SPTA1: variants seen among roughly 807,000 people sequenced by gnomAD.
SPTA1 encodes the protein spectrin alpha chain, erythrocytic 1.
Under a neutral mutation model 324.7 loss-of-function variants are expected in SPTA1, and 177 were observed. The observed-to-expected ratio is 0.55, with a 90% CI of 0.48 to 0.62. The LOEUF (loss-of-function observed/expected upper bound fraction) is 0.62, where lower values mean the gene tolerates loss of function less well. Among genes scored for constraint, SPTA1 ranks in the 20% least tolerant of loss-of-function variants. The probability of loss-of-function intolerance (pLI) is 0.00; values close to 1 mark genes in which losing one functional copy is unlikely to be tolerated. For missense variants in SPTA1, 3,162 were observed against 2,883.6 expected (o/e 1.10, Z -2.21); for synonymous variants, 1,195 against 1,041.3 (o/e 1.15, Z -2.84).
rs757488258 is a variant in SPTA1 at position 158,642,904 on chromosome 1, G to T, written c.4515C>A (p.Phe1505Leu). 1.3e-5 allele frequency: 21 copies of T among 1,613,768 alleles called. No homozygotes were observed. In the Middle Eastern group the frequency reaches 6.6e-4, roughly 51 times the overall value. ...KLGDYANLKQ[F>L]YRDLEELEEW... ...CTTCCAGCTCCTCAAGGTCTCGGTAGAATTGTTTTAGGTTGGCATAGTCTC... is the reference window on the plus strand; with the variant it reads ...CTTCCAGCTCCTCAAGGTCTCGGTATAATTGTTTTAGGTTGGCATAGTCTC... Residue 1505 changes from phenylalanine (F) to leucine (L), a missense_variant, in exon 32 of 52, where the codon TTC becomes TTA. By Grantham distance (22) the Phe-to-Leu change is conservative (BLOSUM62 0). Coordinates refer to ENST00000643759, the MANE Select transcript of SPTA1 (RefSeq NM_003126.4).
chr1:158,645,469 A>G, intron 28 of SPTA1, 26 bp downstream of exon 28: 12 of 1,613,948 alleles, frequency 7.4e-6, no homozygotes, highest in South Asian at 1.1e-5. Context: ...TCAAGTGATC[A>G]GTGGCTGTGA....
rs761419691 is a variant in SPTA1 at position 158,669,448 on chromosome 1, A to G, written c.1793T>C (p.Ile598Thr). The G allele has an allele frequency of 1.4e-5, 22 of 1,614,116 alleles. No homozygotes were observed. The highest frequency in any genetic ancestry group is 1.7e-5 in the Non-Finnish European group (20 of 1,179,988). ...YEDSDDLKNW[I>T]NKKKKLADDE... ...ATCTGCCAACTTTTTCTTCTTGTTG[A>G]TCCAGTTCTTTAGGTCATCTGAGTC... is the stretch of plus-strand genomic sequence containing the variant. Residue 598 changes from isoleucine to threonine, a missense_variant, in exon 14 of 52, where the codon ATC becomes ACC. Physicochemically the swap from Ile to Thr is moderately conservative, Grantham distance 89 (BLOSUM62 -1). Transcript: ENST00000643759.
At chr1:158,671,954 G>T in intron 11 of SPTA1, 105 bp downstream of exon 11, 1 of 1,434,636 alleles carries the variant, frequency 7.0e-7, no homozygotes, top group African/African-American at 1.4e-5. Context: ...CCCAAGACAA[G>T]CTCTGACTCA....
Position 158,620,284 on chromosome 1 carries a change from A to C in SPTA1, c.6303T>G (p.Cys2101Trp). The change falls in exon 44 of 52, where the codon TGT (cysteine) becomes TGG (tryptophan). Residue 2101 changes from cysteine (C) to tryptophan (W), a missense_variant. Physicochemically the swap from Cys to Trp is radical, Grantham distance 215 (BLOSUM62 -2). Transcript: ENST00000643759. ...SLARAQADFK[C>W]LLELDQQIKA... ...TAATCTGCTGGTCTAGCTCCAGCAAACATTTAAAGTCTGCTTGAGCCCTAG... is the reference window on the plus strand; with the variant it reads ...TAATCTGCTGGTCTAGCTCCAGCAACCATTTAAAGTCTGCTTGAGCCCTAG... The C allele has an allele frequency of 6.2e-7, 1 of 1,614,074 alleles. No individual in the cohort carries two copies. The highest frequency in any genetic ancestry group is 1.7e-4 in the Middle Eastern group (1 of 6,022).
rs1438361428 is a variant in SPTA1, at chr1:158,662,818, G to C, written c.2348C>G (p.Ala783Gly). ...GTCTAAGAGCTTCTTCTTTCGGGTG[G>C]CCAGTGGCTCTTTCAGAGCTTCAAA... ...CRFEALKEPLATRKKKLLDLL... is the reference protein window; with the variant it reads ...CRFEALKEPLGTRKKKLLDLL... The change falls in exon 17 of 52, where the codon GCC becomes GGC. Residue 783 changes from alanine to glycine, a missense_variant. Physicochemically the swap from Ala to Gly is moderately conservative, Grantham distance 60 (BLOSUM62 0). Coordinates refer to ENST00000643759, the MANE Select transcript of SPTA1 (RefSeq NM_003126.4). 1 of 1,614,048 alleles carries C rather than the reference G, an allele frequency of 6.2e-7. No homozygotes were observed. The highest frequency in any genetic ancestry group is 1.7e-5 in the Admixed American group (1 of 59,998).
In SPTA1 at chr1:158,647,593, C is replaced by T. The variant is rs374733516; in HGVS notation, c.3842G>A (p.Arg1281His). 99 of 1,613,790 alleles carry T rather than the reference C, an allele frequency of 6.1e-5. No homozygotes were observed. The highest frequency in any genetic ancestry group is 4.0e-5 in the African/African-American group (3 of 74,888). Residue 1281 changes from arginine to histidine, a missense_variant, in exon 27 of 52, where the codon CGT (arginine) becomes CAT (histidine). Transcript: ENST00000643759. Reference sequence around the variant, plus strand: ...CTGGGCCTCATTTAGGCTCTCCTTACGATCCTTTGTACGCCCCTGCAGGTC... The same window carrying T: ...CTGGGCCTCATTTAGGCTCTCCTTATGATCCTTTGTACGCCCCTGCAGGTC... ...WEDLQGRTKDRKESLNEAQKF... is the reference protein window; with the variant it reads ...WEDLQGRTKDHKESLNEAQKF...
chr1:158,611,163 AC>A lies in SPTA1; in HGVS notation c.*100del, dbSNP rs1557915699. 3.8e-5 allele frequency: 53 copies of A among 1,388,304 alleles called. No individual in the cohort carries two copies. In the Admixed American group the frequency reaches 4.0e-4, roughly 10 times the overall value. 86.0% of individuals were successfully genotyped at this position (1,388,304 alleles called of 1,614,324 possible). A position where few individuals can be genotyped will look rare whatever the true frequency, so the allele number is the denominator to read the frequency against. The stretch of plus-strand genomic sequence containing the variant: ...CACACACACACACACACACACACAC[AC>A]ACGAGGCCATCTTTATCTTCCACAT... On this transcript the variant is annotated 3_prime_UTR_variant, in exon 52 of 52. Coordinates refer to ENST00000643759, the MANE Select transcript of SPTA1 (RefSeq NM_003126.4).
intron 14 of SPTA1, 144 bp from the exon 15 acceptor site, chr1:158,668,206 G>T: frequency 1.1e-6 from 1 of 947,690 alleles, no homozygotes; most frequent in Non-Finnish European, 1.6e-6. Flanking sequence ...CTAGTCCAAC[G>T]TTTGAGAAAT....
intron 2 of SPTA1, among the ~76,000 whole-genome samples, chr1:158,683,983 A>C (rs1015549231): frequency 2.6e-5 from 4 of 151,998 alleles, no homozygotes; most frequent in African/African-American, 9.7e-5. Context: ...GATTATGACA[A>C]CACCACATGC....
intron 15 of SPTA1, among the ~76,000 whole-genome samples, chr1:158,667,061 T>C (rs1242765764): frequency 6.6e-6 from 1 of 152,216 alleles, no homozygotes; most frequent in Non-Finnish European, 1.5e-5. Context: ...GCATTATTTC[T>C]GCAAAGGAAT....
chr1:158,626,941 G>C lies in SPTA1; in HGVS notation c.5731C>G (p.Pro1911Ala), dbSNP rs1355504062. ...SKIEALNEKT[P>A]SLAKAIAAWK... ...GCAGCTATTGCCTTAGCCAGAGAAG[G>C]GGTCTTTTCATTCAGAGCCTCTATC... is the stretch of plus-strand genomic sequence containing the variant. The change falls in exon 41 of 52, where the codon CCT becomes GCT. Residue 1911 changes from proline (P) to alanine (A), a missense_variant. Transcript: ENST00000643759. 1.2e-6 allele frequency: 2 copies of C among 1,613,910 alleles called. No individual in the cohort carries two copies. Among genetic ancestry groups the C allele is most frequent in the Non-Finnish European group, 1.7e-6 (2 of 1,179,832 alleles).
chr1:158,666,376 G>T lies in SPTA1; in HGVS notation c.2160C>A (p.Ala720=), dbSNP rs199815523. Residue 720 remains alanine, a synonymous_variant, in exon 16 of 52, where the codon GCC becomes GCA. Transcript: ENST00000643759. ...GTTTCCTGAGTCGATTCTGTACCTC[G>T]GCCAGGCCTTTCCCATAATCCTCAG... ...VTSEDYGKGL[A]EVQNRLRKHG... The T allele has an allele frequency of 1.2e-6, 2 of 1,613,818 alleles. No individual in the cohort carries two copies. The highest frequency in any genetic ancestry group is 1.1e-5 in the South Asian group (1 of 91,068).
chr1:158,684,820 A>G (rs1016574348), intron 2 of SPTA1, among the ~76,000 whole-genome samples: 3 of 152,188 alleles, frequency 2.0e-5, no homozygotes, highest in African/African-American at 7.2e-5. Context: ...TCTGAATGGA[A>G]GTTCATTGTA....
chr1:158,684,381 T>C (rs1557998293), intron 2 of SPTA1, among the ~76,000 whole-genome samples: 1 of 152,098 alleles, frequency 6.6e-6, no homozygotes, highest in Non-Finnish European at 1.5e-5. Flanking sequence ...TTGATGACTC[T>C]TCACCCTATT....
At chr1:158,668,163 G>T (rs989162742) in intron 14 of SPTA1, 101 bp from the exon 15 acceptor site, 1 of 1,282,272 alleles carries the variant, frequency 7.8e-7, no homozygotes, top group Non-Finnish European at 1.1e-6. Flanking sequence ...TCTAACGAAC[G>T]ATGCTAACAA....
chr1:158,648,750 A>G, intron 25 of SPTA1, 97 bp from the exon 26 acceptor site: 1 of 1,321,822 alleles, frequency 7.6e-7, no homozygotes, highest in South Asian at 1.3e-5. Context: ...ACCACTCACC[A>G]TCCTCCCACC....
At chr1:158,650,048 G>A (rs907571297) in intron 24 of SPTA1, 101 bp from the exon 25 acceptor site, 105 of 847,078 alleles carry the variant, frequency 1.2e-4, no homozygotes, top group Middle Eastern at 2.2e-4. Flanking sequence ...TTGTTTTTAC[G>A]TTATTTTCTT....
intron 39 of SPTA1, among the ~76,000 whole-genome samples, chr1:158,632,978 A>G (rs952918961): frequency 3.3e-5 from 5 of 152,204 alleles, no homozygotes; most frequent in African/African-American, 1.2e-4. Flanking sequence ...ATACCACGAC[A>G]CTGCTCAGAA....
Position 158,652,634 on chromosome 1 carries a change from G to C in SPTA1, c.3208C>G (p.Arg1070Gly). ...IENQYRSLLD[R>G]AEERRRRLLQ... ...AGACGACGTCTGCGTTCTTCTGCCC[G>C]ATCCAAGAGGGAGCGGTATCTGGAT... is the stretch of plus-strand genomic sequence containing the variant. Residue 1070 changes from arginine to glycine, a missense_variant, in exon 23 of 52, where the codon CGG becomes GGG. Transcript: ENST00000643759. 16 of 1,614,102 alleles carry C rather than the reference G, an allele frequency of 9.9e-6. No individual in the cohort carries two copies. The highest frequency in any genetic ancestry group is 1.4e-5 in the Non-Finnish European group (16 of 1,180,024).
Sources: gnomAD v4.1 joint callset for allele counts (sites outside exome capture counted in the v4.1 genomes callset) on GRCh38, gnomAD v4.1.1 for gene constraint, MANE v1.5 for transcripts, NCBI Gene and HGNC (gene_info 2026-07-23, HGNC 2026-07-21) for gene names.